Variants in DRC11 observed in about 807,000 individuals in gnomAD.
DRC11 encodes dynein regulatory complex subunit 11, also known as IQ and AAA domain-containing protein 1.
the DRC11 span, among the ~76,000 whole-genome samples, chr2:236,386,683 G>A: frequency 6.6e-6 from 1 of 150,796 alleles, no homozygotes; most frequent in Non-Finnish European, 1.5e-5. Flanking sequence ...TCTGATTTTA[G>A]TTATTTCTTG....
At chr2:236,416,719 A>ATTTTTATATATATATATATATATT in the DRC11 span, among the ~76,000 whole-genome samples, 1 of 60,856 alleles carries the variant, frequency 1.6e-5, no homozygotes, top group Non-Finnish European at 3.1e-5. Context: ...ATATATATAT[A>ATTTTTATATATATATATATATATT]TTTATATATA....
At chr2:236,497,446 C>G in the DRC11 span, 1 of 1,613,350 alleles carries the variant, frequency 6.2e-7, no homozygotes, top group Non-Finnish European at 8.5e-7. The surrounding 1 kb of genome is among the most constrained non-coding windows in gnomAD (Gnocchi z 5.1). Context: ...GAGTAAAGCA[C>G]CGAGGGCTTC....
the DRC11 span, among the ~76,000 whole-genome samples, chr2:236,496,777 C>G: frequency 6.6e-6 from 1 of 152,218 alleles, no homozygotes; most frequent in African/African-American, 2.4e-5. The surrounding 1 kb of genome is among the most constrained non-coding windows in gnomAD (Gnocchi z 6.3). Context: ...CTGTGACCAA[C>G]AGGCTACAGA....
chr2:236,362,983 G>T, the DRC11 span, among the ~76,000 whole-genome samples: 20 of 152,074 alleles, frequency 1.3e-4, no homozygotes, highest in Non-Finnish European at 2.8e-4. This position sits in a 1 kb window ranked among gnomAD's most constrained non-coding sequence, Gnocchi z 5.7. Flanking sequence ...AAACTGCCTC[G>T]TTGATGAGCA....
the DRC11 span, among the ~76,000 whole-genome samples, chr2:236,409,966 A>G: frequency 6.6e-6 from 1 of 152,190 alleles, no homozygotes; most frequent in Admixed American, 6.5e-5. Context: ...AACCCACTTG[A>G]TCATGCTGGA....
chr2:236,477,116 T>C, the DRC11 span, among the ~76,000 whole-genome samples: 5 of 152,274 alleles, frequency 3.3e-5, no homozygotes, highest in South Asian at 1.0e-3. Context: ...CCTTATAGAA[T>C]GAGTTTGAAA....
chr2:236,373,228 C>T, the DRC11 span, among the ~76,000 whole-genome samples: 4 of 150,872 alleles, frequency 2.7e-5, no homozygotes, highest in Admixed American at 6.6e-5. Context: ...TGTTCTCACA[C>T]GTCTTCTATA....
At chr2:236,337,826 C>A in the DRC11 span, among the ~76,000 whole-genome samples, 1 of 151,062 alleles carries the variant, frequency 6.6e-6, no homozygotes, top group South Asian at 2.1e-4. The surrounding 1 kb of genome is among the most constrained non-coding windows in gnomAD (Gnocchi z 4.9). Flanking sequence ...AAAAAAAACC[C>A]AACCCGGTGA....
the DRC11 span, among the ~76,000 whole-genome samples, chr2:236,424,148 A>G: frequency 1.3e-5 from 2 of 152,066 alleles, no homozygotes; most frequent in Non-Finnish European, 2.9e-5. Context: ...ACATGTATAC[A>G]TATGTAACTA....
At chr2:236,370,145 C>A in the DRC11 span, among the ~76,000 whole-genome samples, 1 of 152,120 alleles carries the variant, frequency 6.6e-6, no homozygotes, top group South Asian at 2.1e-4. The surrounding 1 kb of genome is among the most constrained non-coding windows in gnomAD (Gnocchi z 5.5). Context: ...GACACAGAGA[C>A]AGACATGCAC....
the DRC11 span, among the ~76,000 whole-genome samples, chr2:236,440,773 C>A: frequency 1.3e-5 from 2 of 152,076 alleles, no homozygotes; most frequent in Non-Finnish European, 2.9e-5. Flanking sequence ...ACACAAAGGG[C>A]TCCTGCAGCC....
chr2:236,481,932 T>G, the DRC11 span, among the ~76,000 whole-genome samples: 14,180 of 132,454 alleles, frequency 0.11, 1,407 homozygotes, highest in Non-Finnish European at 0.17. Flanking sequence ...ATTATATGTA[T>G]AATTCTATGT....
the DRC11 span, among the ~76,000 whole-genome samples, chr2:236,504,846 G>A: frequency 6.6e-6 from 1 of 152,190 alleles, no homozygotes; most frequent in East Asian, 1.9e-4. The surrounding 1 kb of genome is among the most constrained non-coding windows in gnomAD (Gnocchi z 5.0). Context: ...GCCGCCATGT[G>A]AAGAAGGGCA....
the DRC11 span, among the ~76,000 whole-genome samples, chr2:236,404,390 G>A: frequency 5.9e-5 from 9 of 152,062 alleles, no homozygotes; most frequent in African/African-American, 2.2e-4. Context: ...CCCAGTTCCT[G>A]GAGCCTCAGG....
At chr2:236,397,201 C>G in the DRC11 span, among the ~76,000 whole-genome samples, 1 of 152,250 alleles carries the variant, frequency 6.6e-6, no homozygotes, top group Non-Finnish European at 1.5e-5. The surrounding 1 kb of genome is among the most constrained non-coding windows in gnomAD (Gnocchi z 5.0). Flanking sequence ...ATAACATGCT[C>G]ATATGCTACT....
chr2:236,413,319 C>T, the DRC11 span, among the ~76,000 whole-genome samples: 49 of 152,288 alleles, frequency 3.2e-4, no homozygotes, highest in Middle Eastern at 6.8e-3. This position sits in a 1 kb window ranked among gnomAD's most constrained non-coding sequence, Gnocchi z 4.0. Flanking sequence ...AGGCTAAGGA[C>T]TCTATTATCT....
the DRC11 span, chr2:236,486,776 C>A: frequency 8.5e-7 from 1 of 1,172,024 alleles, no homozygotes; most frequent in East Asian, 2.4e-5. The surrounding 1 kb of genome is among the most constrained non-coding windows in gnomAD (Gnocchi z 5.7). Context: ...CACAGTCTCA[C>A]ATATTCTATT....
At chr2:236,393,320 A>G in the DRC11 span, among the ~76,000 whole-genome samples, 1 of 152,152 alleles carries the variant, frequency 6.6e-6, no homozygotes, top group African/African-American at 2.4e-5. The surrounding 1 kb of genome is among the most constrained non-coding windows in gnomAD (Gnocchi z 4.7). Flanking sequence ...TCTAAGGGAC[A>G]AGGGCTGCCC....
chr2:236,496,709 C>G, the DRC11 span, among the ~76,000 whole-genome samples: 1 of 152,220 alleles, frequency 6.6e-6, no homozygotes, highest in Admixed American at 6.5e-5. This position sits in a 1 kb window ranked among gnomAD's most constrained non-coding sequence, Gnocchi z 6.3. Context: ...CATACATTCC[C>G]CTGGGTCACC....
Sources: gnomAD v4.1 joint callset for allele counts (sites outside exome capture counted in the v4.1 genomes callset) on GRCh38, gnomAD v4.1.1 for gene constraint, Gnocchi (gnomAD v3.1) non-coding constraint, MANE v1.5 for transcripts, NCBI Gene and HGNC (gene_info 2026-07-23, HGNC 2026-07-21) for gene names.